NKAIN3: variants seen among roughly 807,000 people sequenced by gnomAD.
NKAIN3 encodes the protein sodium/potassium transporting ATPase interacting 3, also known as sodium/potassium-transporting ATPase subunit beta-1-interacting protein 3.
A neutral mutation model predicts 30.2 loss-of-function variants in NKAIN3; 25 were observed. That is an observed-to-expected ratio of 0.83 (90% CI 0.60 to 1.16). NKAIN3 has a LOEUF of 1.16. NKAIN3 is among the 50% of genes most tolerant of loss of function. The pLI is 0.00. For missense variants in NKAIN3, 225 were observed against 254.1 expected, an observed-to-expected ratio of 0.89 and a Z score of 0.78; for synonymous variants, 91 against 89.6, an observed-to-expected ratio of 1.02 and a Z score of -0.09.
At chr8:62,577,326 GTTTTC>G (rs1449678121) in intron 1 of NKAIN3, among the ~76,000 whole-genome samples, 3 of 151,758 alleles carry the variant, frequency 2.0e-5, no homozygotes, top group Non-Finnish European at 4.4e-5. Context: ...CATTACCTGT[GTTTTC>G]TTTAATATCA....
At chr8:62,566,050 A>C (rs1033129733) in intron 1 of NKAIN3, among the ~76,000 whole-genome samples, 1 of 152,286 alleles carries the variant, frequency 6.6e-6, no homozygotes, top group African/African-American at 2.4e-5. Context: ...CTTGTAAGGC[A>C]GAGGCTATCT....
At position 62,978,618 on chromosome 8, in the gene NKAIN3, G is replaced by A. The variant is rs762801991; in HGVS notation, c.*13211G>A. ...CTTCAGACTGCTGTGCTGGAAGTAA[G>A]AATTTCAATCCAGTGGATCTTAGCT... On this transcript the variant is annotated 3_prime_UTR_variant, in exon 7 of 7. Coordinates refer to ENST00000623646, the MANE Select transcript of NKAIN3 (RefSeq NM_001304533.3). 6 of 152,498 alleles carry A rather than the reference G, an allele frequency of 3.9e-5. No individual in the cohort carries two copies. The highest frequency in any genetic ancestry group is 5.9e-5 in the Non-Finnish European group (4 of 68,116). The allele number at this position is 152,498 out of a possible 1,614,324, so 9.4% of individuals were successfully genotyped here. A position where few individuals can be genotyped will look rare whatever the true frequency, so the allele number is the denominator to read the frequency against.
intron 4 of NKAIN3, among the ~76,000 whole-genome samples, chr8:62,821,168 T>C (rs1818837685): frequency 6.6e-6 from 1 of 152,108 alleles, no homozygotes; most frequent in Non-Finnish European, 1.5e-5. Flanking sequence ...TGATAGTAAA[T>C]GTTTCCTTTT....
At chr8:62,484,918 G>C (rs1181877014) in intron 1 of NKAIN3, among the ~76,000 whole-genome samples, 2 of 152,154 alleles carry the variant, frequency 1.3e-5, no homozygotes, top group African/African-American at 4.8e-5. Context: ...GCATTCACTA[G>C]GCTGTGGACT....
Position 62,972,366 on chromosome 8 carries a change from G to A in NKAIN3, c.*6959G>A, listed in dbSNP as rs145232598. Reference sequence around the variant, plus strand: ...TAAAATTTTTTGTAATTATAAATATGTATATATTGGGGGGCAAAATATGAC... The same window carrying A: ...TAAAATTTTTTGTAATTATAAATATATATATATTGGGGGGCAAAATATGAC... On this transcript the variant is annotated 3_prime_UTR_variant, in exon 7 of 7. Transcript: ENST00000623646. Among the ~76,000 whole-genome samples, 442 of 152,070 alleles carry A rather than the reference G, an allele frequency of 2.9e-3. 3 individuals carry two copies. Among genetic ancestry groups the A allele is most frequent in the African/African-American group, 9.6e-3 (399 of 41,482 alleles).
At chr8:62,538,853 A>G (rs1808750608) in intron 1 of NKAIN3, among the ~76,000 whole-genome samples, 2 of 152,216 alleles carry the variant, frequency 1.3e-5, no homozygotes, top group African/African-American at 4.8e-5. Context: ...AACATATGCA[A>G]GTTCATTTAA....
At chr8:62,847,569 T>G (rs530304916) in intron 4 of NKAIN3, among the ~76,000 whole-genome samples, 28 of 152,282 alleles carry the variant, frequency 1.8e-4, no homozygotes, top group African/African-American at 6.5e-4. Flanking sequence ...TCTTTATAGA[T>G]GCTGGATATC....
chr8:62,777,584 A>G (rs1212214875), intron 4 of NKAIN3, among the ~76,000 whole-genome samples: 1 of 152,114 alleles, frequency 6.6e-6, no homozygotes, highest in African/African-American at 2.4e-5. Context: ...ATCTGACATG[A>G]TTCTTAATTT....
intron 1 of NKAIN3, among the ~76,000 whole-genome samples, chr8:62,356,963 A>G (rs993632079): frequency 3.3e-5 from 5 of 152,096 alleles, no homozygotes; most frequent in African/African-American, 1.2e-4. Context: ...TTAGCTGGGC[A>G]TGATGGCTCT....
intron 4 of NKAIN3, among the ~76,000 whole-genome samples, chr8:62,835,286 G>A (rs748990255): frequency 3.0e-4 from 46 of 151,814 alleles, no homozygotes; most frequent in African/African-American, 9.2e-4. Flanking sequence ...CTAAGTCCTC[G>A]AAAGCAATTG....
chr8:62,352,461 T>C (rs755702069), intron 1 of NKAIN3, among the ~76,000 whole-genome samples: 27 of 152,280 alleles, frequency 1.8e-4, no homozygotes, highest in Non-Finnish European at 3.2e-4. Flanking sequence ...CTTTGCCTCC[T>C]TGGGAGTTAT....
chr8:62,390,524 A>G (rs756124588), intron 1 of NKAIN3, among the ~76,000 whole-genome samples: 2 of 152,186 alleles, frequency 1.3e-5, no homozygotes, highest in Non-Finnish European at 2.9e-5. Flanking sequence ...TTGTGTCTTT[A>G]TAATAGAATG....
At chr8:62,742,551 T>C (rs1815938320) in intron 3 of NKAIN3, among the ~76,000 whole-genome samples, 2 of 152,186 alleles carry the variant, frequency 1.3e-5, no homozygotes, top group African/African-American at 2.4e-5. Context: ...CCTGGACATA[T>C]GCTTGCATAA....
chr8:62,967,397 G>A lies in NKAIN3; in HGVS notation c.*1990G>A, dbSNP rs566605929. Among the ~76,000 whole-genome samples, 7 of 152,090 alleles carry A rather than the reference G, an allele frequency of 4.6e-5. No homozygotes were observed. Among genetic ancestry groups the A allele is most frequent in the South Asian group, 4.2e-4 (2 of 4,806 alleles). The stretch of plus-strand genomic sequence containing the variant: ...CCCAAAGGTGAGGTGAGAATTTAAC[G>A]AAAAATGTAAAAAAATTCTCAGTAC... On this transcript the variant is annotated 3_prime_UTR_variant, in exon 7 of 7. Coordinates refer to ENST00000623646, the MANE Select transcript of NKAIN3 (RefSeq NM_001304533.3).
At chr8:62,844,096 G>A (rs1238349740) in intron 4 of NKAIN3, among the ~76,000 whole-genome samples, 1 of 152,182 alleles carries the variant, frequency 6.6e-6, no homozygotes, top group African/African-American at 2.4e-5. Context: ...TGTAGTAACA[G>A]TAGTTGCCAA....
chr8:62,317,240 T>G (rs900894977), intron 1 of NKAIN3, among the ~76,000 whole-genome samples: 2 of 152,226 alleles, frequency 1.3e-5, no homozygotes, highest in East Asian at 1.9e-4. Flanking sequence ...TTCACTCTTA[T>G]AGTAGTTTCT....
chr8:62,585,202 C>T (rs1810431398), intron 2 of NKAIN3, among the ~76,000 whole-genome samples: 1 of 152,110 alleles, frequency 6.6e-6, no homozygotes, highest in Non-Finnish European at 1.5e-5. Context: ...CTCCTCAAGA[C>T]TTATTTTTTT....
chr8:62,746,090 C>CG (rs1345388920), intron 3 of NKAIN3, among the ~76,000 whole-genome samples: 1 of 152,216 alleles, frequency 6.6e-6, no homozygotes, highest in Non-Finnish European at 1.5e-5. Flanking sequence ...AAATCAGCTT[C>CG]ACTGAGCTGA....
intron 5 of NKAIN3, chr8:62,990,180 T>A: frequency 1.4e-6 from 2 of 1,397,904 alleles, no homozygotes; most frequent in Non-Finnish European, 2.0e-6. Context: ...TCATGTGATC[T>A]GCAAGTATGC....
Sources: allele counts gnomAD v4.1 joint callset (sites outside exome capture counted in the v4.1 genomes callset), GRCh38; gene constraint gnomAD v4.1.1; transcripts MANE v1.5; gene names NCBI Gene and HGNC (gene_info 2026-07-23, HGNC 2026-07-21).